MACO1: variants seen among roughly 807,000 people sequenced by gnomAD.
MACO1 encodes macoilin.
Under a neutral mutation model 78.7 loss-of-function variants are expected in MACO1, and 14 were observed. The ratio of observed to expected loss-of-function variants is 0.18; its 90% CI spans 0.12 to 0.28. MACO1 has a LOEUF of 0.28. Among genes scored for constraint, MACO1 ranks in the 10% least tolerant of loss-of-function variants. The probability of loss-of-function intolerance (pLI) is 1.00; values close to 1 mark genes in which losing one functional copy is unlikely to be tolerated. For synonymous variants in MACO1, 288 were observed against 291.6 expected (o/e 0.99, Z 0.12); for missense variants, 501 against 799.0 (o/e 0.63, Z 4.50).
chr1:25,448,104 C>G (rs936383495), intron 2 of MACO1, among the ~76,000 whole-genome samples: 1 of 152,048 alleles, frequency 6.6e-6, no homozygotes, highest in Non-Finnish European at 1.5e-5. Flanking sequence ...GACAGCCTGT[C>G]TTTTAAGAAT....
chr1:25,461,324 C>T (rs1461160029), intron 6 of MACO1, among the ~76,000 whole-genome samples: 1 of 151,944 alleles, frequency 6.6e-6, no homozygotes, highest in Non-Finnish European at 1.5e-5. Context: ...AACAAACCTG[C>T]ACATTGTGCA....
At position 25,458,505 on chromosome 1, in the gene MACO1, G is replaced by A; in HGVS notation, c.767G>A (p.Gly256Glu). The change falls in exon 6 of 11, where the codon GGG becomes GAG. Residue 256 changes from glycine (G) to glutamate (E), a missense_variant. By Grantham distance (98) the Gly-to-Glu change is moderately conservative. Transcript: ENST00000374343. ...CCAGAGATAGAATACCGAGAAAAAG[G>A]GAAAGAAAAGGACAAGGATGCCAAA... The part of the protein sequence containing the change: ...TLPEIEYREK[G>E]KEKDKDAKKH... The A allele has an allele frequency of 6.2e-7, 1 of 1,613,180 alleles. No homozygotes were observed. Among genetic ancestry groups the A allele is most frequent in the Non-Finnish European group, 8.5e-7 (1 of 1,179,762 alleles).
chr1:25,469,992 A>G (rs1320238099), intron 6 of MACO1, among the ~76,000 whole-genome samples: 1 of 152,162 alleles, frequency 6.6e-6, no homozygotes, highest in African/African-American at 2.4e-5. Flanking sequence ...ACTAAAGTAG[A>G]TGTTTTAGGG....
intron 4 of MACO1, 107 bp downstream of exon 4, chr1:25,454,489 T>TATATA (rs371533394): frequency 1.0e-4 from 9 of 89,940 alleles, no homozygotes; most frequent in African/African-American, 6.7e-4. Context: ...TATATATATA[T>TATATA]TTTTTTTTTT....
At chr1:25,466,542 ACCTCAGGTGATCCACCTGCCTCGG>A (rs1329464729) in intron 6 of MACO1, among the ~76,000 whole-genome samples, 2 of 152,010 alleles carry the variant, frequency 1.3e-5, no homozygotes, top group Admixed American at 1.3e-4. Context: ...CAAACTCCTG[ACCTCAGGTGATCCACCTGCCTCGG>A]CCTCCCAAAG....
chr1:25,488,718 C>G (rs530113110), intron 8 of MACO1, among the ~76,000 whole-genome samples: 4 of 152,272 alleles, frequency 2.6e-5, no homozygotes, highest in Non-Finnish European at 5.9e-5. Context: ...CTCCTGACCT[C>G]AAGTGATCCA....
rs753510595 is a variant in MACO1 at position 25,431,161 on chromosome 1, C to T, written c.63C>T (p.Thr21=). The T allele has an allele frequency of 6.3e-6, 10 of 1,597,670 alleles. 1 individual carries two copies. The African/African-American group carries it at 8.3e-5, about 13-fold the overall frequency. ...LRRPLKRNRI[T]EGIYGSTFLY... Reference sequence around the variant, plus strand: ...GCCCCCTAAAGCGGAACCGGATCACCGAGGGCATTTACGGCAGGTGAGCGG... The same window carrying T: ...GCCCCCTAAAGCGGAACCGGATCACTGAGGGCATTTACGGCAGGTGAGCGG... The change falls in exon 1 of 11, where the codon ACC becomes ACT. Residue 21 remains threonine, a synonymous_variant. Coordinates refer to ENST00000374343, the MANE Select transcript of MACO1 (RefSeq NM_018202.6).
At chr1:25,479,875 G>A (rs1477410112) in intron 6 of MACO1, among the ~76,000 whole-genome samples, 1 of 152,030 alleles carries the variant, frequency 6.6e-6, no homozygotes, top group Admixed American at 6.5e-5. Context: ...AGGTACTTGT[G>A]ATTTATAAGC....
At position 25,430,897 on chromosome 1, in the gene MACO1, G is replaced by C; in HGVS notation, c.-202G>C. Reference sequence around the variant, plus strand: ...TGCTGGGCGGGCGGGCCCCGGAATTGTCATTTCTTTGTTTCCGAAGGCGGA... The same window carrying C: ...TGCTGGGCGGGCGGGCCCCGGAATTCTCATTTCTTTGTTTCCGAAGGCGGA... On this transcript the variant is annotated 5_prime_UTR_variant, in exon 1 of 11. Transcript: ENST00000374343. 1 of 461,936 alleles carries C rather than the reference G, an allele frequency of 2.2e-6. No homozygotes were observed. The highest frequency in any genetic ancestry group is 4.5e-5 in the Admixed American group (1 of 22,172). The allele number at this position is 461,936 out of a possible 1,614,324, so 28.6% of individuals were successfully genotyped here.
At chr1:25,454,652 T>C (rs866347387) in intron 4 of MACO1, among the ~76,000 whole-genome samples, 21 of 151,508 alleles carry the variant, frequency 1.4e-4, no homozygotes, top group South Asian at 6.3e-4. Context: ...TGGCTAATTT[T>C]TGTATTTTTA....
intron 9 of MACO1, 47 bp from the exon 10 acceptor site, chr1:25,491,363 G>C: frequency 6.2e-7 from 1 of 1,607,064 alleles, no homozygotes; most frequent in South Asian, 1.1e-5. Context: ...TATAGACATC[G>C]ATGCCAAAAC....
chr1:25,454,462 G>A lies in MACO1; in HGVS notation c.473+80G>A, dbSNP rs370147228. The stretch of plus-strand genomic sequence containing the variant: ...TATGTGTGTGTGTGTGTGTGTGTGT[G>A]TGTGTGTGTATATATATATATATAT... On this transcript the variant is annotated intron_variant, in intron 4 of 10. Transcript: ENST00000374343. The A allele has an allele frequency of 1.7e-3, 329 of 191,378 alleles. 1 individual carries two copies. The highest frequency in any genetic ancestry group is 0.01 in the African/African-American group (214 of 21,312). The allele number at this position is 191,378 out of a possible 1,614,324, so 11.9% of individuals were successfully genotyped here.
chr1:25,479,427 T>A (rs907796035), intron 6 of MACO1, among the ~76,000 whole-genome samples: 3 of 152,206 alleles, frequency 2.0e-5, no homozygotes, highest in African/African-American at 7.2e-5. Flanking sequence ...ACTTCTTTTT[T>A]TTTTGAAATG....
At chr1:25,493,272 T>C (rs767481945) in intron 10 of MACO1, among the ~76,000 whole-genome samples, 3 of 152,206 alleles carry the variant, frequency 2.0e-5, no homozygotes, top group East Asian at 1.9e-4. Context: ...AGGGTCTTGC[T>C]CTGTCACCCA....
intron 2 of MACO1, among the ~76,000 whole-genome samples, chr1:25,447,506 T>C (rs2043026668): frequency 6.6e-6 from 1 of 152,216 alleles, no homozygotes; most frequent in Non-Finnish European, 1.5e-5. Flanking sequence ...CATTTTTAAG[T>C]GAAAAATAGT....
chr1:25,484,992 T>TC (rs1489724903), intron 7 of MACO1, among the ~76,000 whole-genome samples: 1 of 152,124 alleles, frequency 6.6e-6, no homozygotes. Context: ...GTAGAGAACA[T>TC]CCCAGTGATA....
chr1:25,432,214 G>T (rs1052149469), intron 1 of MACO1, among the ~76,000 whole-genome samples: 4 of 152,174 alleles, frequency 2.6e-5, no homozygotes, highest in Non-Finnish European at 4.4e-5. Flanking sequence ...CTAGCTGTGG[G>T]ATTTCAAGAA....
At chr1:25,441,121 G>A (rs1198541431) in intron 1 of MACO1, among the ~76,000 whole-genome samples, 1 of 152,144 alleles carries the variant, frequency 6.6e-6, no homozygotes, top group Admixed American at 6.5e-5. Context: ...TATATTCGTT[G>A]TAAGTATGTG....
Position 25,484,112 on chromosome 1 carries a change from C to T in MACO1, c.1155-4C>T, listed in dbSNP as rs112557120. 3.1e-5 allele frequency: 50 copies of T among 1,606,392 alleles called. No homozygotes were observed. The African/African-American group carries it at 6.0e-4, about 19-fold the overall frequency. On this transcript the variant is annotated splice_region_variant and splice_polypyrimidine_tract_variant and intron_variant, in intron 6 of 10. Coordinates refer to ENST00000374343, the MANE Select transcript of MACO1 (RefSeq NM_018202.6). ...TGAAAATGCTGCATTTCTCATTCTC[C>T]TAGGCTGGAACAAGACATTAAAAAG...
Sources: allele counts gnomAD v4.1 joint callset (sites outside exome capture counted in the v4.1 genomes callset), GRCh38; gene constraint gnomAD v4.1.1; transcripts MANE v1.5; gene names NCBI Gene and HGNC (gene_info 2026-07-23, HGNC 2026-07-21).